The following ISLR2 variants were observed in gnomAD, a reference collection of about 807,000 sequenced individuals.
ISLR2 encodes the protein immunoglobulin superfamily containing leucine-rich repeat protein 2.
ISLR2 carries 16 observed loss-of-function variants against 25.5 expected under a neutral mutation model. That is an observed-to-expected ratio of 0.63 (90% CI 0.43 to 0.95). ISLR2 has a LOEUF of 0.95. Among genes scored for constraint, ISLR2 ranks in the 40% least tolerant of loss-of-function variants. The pLI, the probability that ISLR2 is intolerant of heterozygous loss-of-function variation, is 0.00. For synonymous variants in ISLR2, 508 were observed against 486.6 expected, an observed-to-expected ratio of 1.04 and a Z score of -0.58; for missense variants, 883 against 1,030.7, an observed-to-expected ratio of 0.86 and a Z score of 1.96.
chr15:74,129,257 C>T (rs778317729), upstream of ISLR2: 313 of 336,720 alleles, frequency 9.3e-4, no homozygotes, highest in Non-Finnish European at 1.6e-3. The surrounding 1 kb of genome is among the most constrained non-coding windows in gnomAD (Gnocchi z 4.5). Flanking sequence ...CCAGTCTGTT[C>T]ATATTTAATT....
At chr15:74,116,699 A>G (rs1264881846) in intron 2 of ISLR2, among the ~76,000 whole-genome samples, 2 of 151,262 alleles carry the variant, frequency 1.3e-5, no homozygotes, top group Non-Finnish European at 2.9e-5. Context: ...GGTTTATAAC[A>G]TGTGGAAGTA....
rs193078284 is a variant in ISLR2, at chr15:74,115,780, G to T, written n.228+11866G>T. On this transcript the variant is annotated intron_variant and non_coding_transcript_variant, in intron 2 of 3. Transcript: ENST00000561975. ...TGGAAATAGGCCCAGAAATGACAGA[G>T]ATGATGTAATTTGCAGACAAGGACA... Among the ~76,000 whole-genome samples the T allele has an allele frequency of 2.2e-4, 33 of 150,992 alleles. 1 individual carries two copies. In the East Asian group the frequency reaches 6.5e-3, roughly 30 times the overall value.
In ISLR2 at chr15:74,136,784, A is replaced by G. The variant is rs2072574518; in HGVS notation, c.*1792A>G. ...TTCTAAACGCGTCTGTATGCAGTCA[A>G]TAAAACAATCGATTTGAACTGGGCT... On this transcript the variant is annotated 3_prime_UTR_variant, in exon 3 of 3. Coordinates refer to ENST00000453268, the MANE Select transcript of ISLR2 (RefSeq NM_020851.3). 6.0e-6 allele frequency: 1 copy of G among 167,108 alleles called. No homozygotes were observed. The highest frequency in any genetic ancestry group is 1.5e-5 in the Non-Finnish European group (1 of 68,158). 10.4% of individuals were successfully genotyped at this position (167,108 alleles called of 1,614,324 possible).
In ISLR2 at chr15:74,136,543, T is replaced by C. The variant is rs2072568934; in HGVS notation, c.*1551T>C. The C allele has an allele frequency of 1.7e-5, 2 of 114,472 alleles. No individual in the cohort carries two copies. The highest frequency in any genetic ancestry group is 7.2e-4 in the South Asian group (2 of 2,776). 7.1% of individuals were successfully genotyped at this position (114,472 alleles called of 1,614,324 possible). ...CTGTGTCCTGTGAAGTGTGACCGTG[T>C]AGTGTAGGGGGGCGGGCGGGGGGGC... is the stretch of plus-strand genomic sequence containing the variant. On this transcript the variant is annotated 3_prime_UTR_variant, in exon 3 of 3. Coordinates refer to ENST00000453268, the MANE Select transcript of ISLR2 (RefSeq NM_020851.3).
chr15:74,120,521 CAA>C (rs61636299), intron 2 of ISLR2, among the ~76,000 whole-genome samples: 48 of 47,500 alleles, frequency 1.0e-3, no homozygotes, highest in South Asian at 3.6e-3. Context: ...GACTCCATCT[CAA>C]AAAAAAAAAA....
chr15:74,123,792 A>C (rs1314809443), upstream of ISLR2, among the ~76,000 whole-genome samples: 1 of 152,172 alleles, frequency 6.6e-6, no homozygotes, highest in East Asian at 1.9e-4. Context: ...ACTGCTCCCA[A>C]AATAGCTTTG....
At chr15:74,128,491 A>G (rs571360827), upstream of ISLR2, 1 of 456,636 alleles carries the variant, frequency 2.2e-6, no homozygotes, top group African/African-American at 2.0e-5. Context: ...TCAAGACAGC[A>G]AGGAAAGGGG....
chr15:74,133,135 G>C lies in ISLR2; in HGVS notation c.381G>C (p.Leu127=), dbSNP rs1182187458. Residue 127 remains leucine (L), a synonymous_variant, in exon 3 of 3, where the codon CTG becomes CTC. Transcript: ENST00000453268. The part of the protein sequence containing the change: ...SDLRNLSALQ[L]LKMNHNRLGS... ...TGCGCAACCTGAGCGCGCTGCAGCTGCTCAAAATGAACCACAACCGCCTGG... is the reference window on the plus strand; with the variant it reads ...TGCGCAACCTGAGCGCGCTGCAGCTCCTCAAAATGAACCACAACCGCCTGG... The C allele has an allele frequency of 6.2e-7, 1 of 1,612,800 alleles. No homozygotes were observed. Among genetic ancestry groups the C allele is most frequent in the Non-Finnish European group, 8.5e-7 (1 of 1,179,950 alleles).
At chr15:74,112,453 A>G (rs899337380) in intron 2 of ISLR2, among the ~76,000 whole-genome samples, 3 of 152,032 alleles carry the variant, frequency 2.0e-5, no homozygotes, top group African/African-American at 7.3e-5. Context: ...ATTTCTCTAA[A>G]TTCTTTAACG....
At chr15:74,102,112 G>C (rs2072085098) in intron 1 of ISLR2, among the ~76,000 whole-genome samples, 1 of 145,126 alleles carries the variant, frequency 6.9e-6, no homozygotes, top group Admixed American at 6.9e-5. Flanking sequence ...CCCAGCCTCA[G>C]GAGACTGAGT....
chr15:74,134,774 G>T lies in ISLR2; in HGVS notation c.2020G>T (p.Gly674Trp). 2 of 1,614,048 alleles carry T rather than the reference G, an allele frequency of 1.2e-6. No individual in the cohort carries two copies. The highest frequency in any genetic ancestry group is 1.7e-6 in the Non-Finnish European group (2 of 1,179,962). Residue 674 changes from glycine (G) to tryptophan (W), a missense_variant, in exon 3 of 3, where the codon GGG becomes TGG. By Grantham distance (184) the Gly-to-Trp change is radical. Coordinates refer to ENST00000453268, the MANE Select transcript of ISLR2 (RefSeq NM_020851.3). The stretch of plus-strand genomic sequence containing the variant: ...CGGCGAGGAGCCAGAGGACGTGCAG[G>T]GGGAGGGCCTTGATGAAGACGCGGA... ...AGGEEPEDVQ[G>W]EGLDEDAEQG...
chr15:74,129,494 G>C (rs1240908151), upstream of ISLR2: 1 of 159,136 alleles, frequency 6.3e-6, no homozygotes, highest in East Asian at 1.9e-4. The surrounding 1 kb of genome is among the most constrained non-coding windows in gnomAD (Gnocchi z 4.5). Context: ...CTACAGAATG[G>C]GTGGGGATTC....
chr15:74,103,953 G>C (rs2072100300), intron 2 of ISLR2: 1 of 152,110 alleles, frequency 6.6e-6, no homozygotes, highest in East Asian at 1.9e-4. Context: ...GCAGAACTGT[G>C]AGTCAATTTA....
In ISLR2 at chr15:74,132,026, G is replaced by A. The variant is rs1390249005; in HGVS notation, c.-9+710G>A. The A allele has an allele frequency of 1.3e-5, 2 of 152,424 alleles. No individual in the cohort carries two copies. Among genetic ancestry groups the A allele is most frequent in the African/African-American group, 4.8e-5 (2 of 41,580 alleles). 9.4% of individuals were successfully genotyped at this position (152,424 alleles called of 1,614,324 possible). A position where few individuals can be genotyped will look rare whatever the true frequency, so the allele number is the denominator to read the frequency against. On this transcript the variant is annotated intron_variant, in intron 2 of 2. Transcript: ENST00000453268. This position sits in a 1 kb window ranked among gnomAD's most constrained non-coding sequence, Gnocchi z 4.3. ...TGTGTTCTTGTGGGTGGGTCGGTTC[G>A]TGTGAGGACTTGTGTCCTTGTGTCT...
intron 2 of ISLR2, among the ~76,000 whole-genome samples, chr15:74,112,368 T>C (rs779042723): frequency 1.6e-4 from 24 of 152,204 alleles, no homozygotes; most frequent in Non-Finnish European, 3.2e-4. Flanking sequence ...GTATGTACCA[T>C]GCATATTTAG....
At chr15:74,121,156 C>G (rs943007942) in intron 2 of ISLR2, among the ~76,000 whole-genome samples, 1 of 152,290 alleles carries the variant, frequency 6.6e-6, no homozygotes, top group South Asian at 2.1e-4. Context: ...ACAGGGTCAC[C>G]CTGCTGGCTG....
rs2072552312 is a variant in ISLR2 at position 74,135,621 on chromosome 15, C to G, written c.*629C>G. ...GGTTCAAGCGATTCTCCTGCCTCAG[C>G]CTGCCTAGTAGCTGGGACTACAGGC... is the stretch of plus-strand genomic sequence containing the variant. On this transcript the variant is annotated 3_prime_UTR_variant, in exon 3 of 3. Coordinates refer to ENST00000453268, the MANE Select transcript of ISLR2 (RefSeq NM_020851.3). 6.5e-6 allele frequency: 1 copy of G among 153,898 alleles called. No individual in the cohort carries two copies. The highest frequency in any genetic ancestry group is 6.5e-5 in the Admixed American group (1 of 15,286). 9.5% of individuals were successfully genotyped at this position (153,898 alleles called of 1,614,324 possible). A position where few individuals can be genotyped will look rare whatever the true frequency, so the allele number is the denominator to read the frequency against.
chr15:74,129,103 G>C (rs185919706), upstream of ISLR2: 120 of 455,672 alleles, frequency 2.6e-4, no homozygotes, highest in African/African-American at 2.2e-3. This position sits in a 1 kb window ranked among gnomAD's most constrained non-coding sequence, Gnocchi z 4.5. Context: ...GGTCGGCGGG[G>C]GGGGACTCCA....
chr15:74,121,664 C>T (rs910234869), intron 2 of ISLR2, among the ~76,000 whole-genome samples: 3 of 152,146 alleles, frequency 2.0e-5, no homozygotes, highest in African/African-American at 7.2e-5. Flanking sequence ...AAGTTACAGT[C>T]CCCTAACCCC....
Sources: allele counts gnomAD v4.1 joint callset (sites outside exome capture counted in the v4.1 genomes callset), GRCh38; gene constraint gnomAD v4.1.1; non-coding constraint Gnocchi (gnomAD v3.1); transcripts MANE v1.5; gene names NCBI Gene and HGNC (gene_info 2026-07-23, HGNC 2026-07-21).